Variants in IQSEC1 observed in about 807,000 individuals in gnomAD.
The protein encoded by IQSEC1 is IQ motif and Sec7 domain ArfGEF 1, also known as IQ motif and SEC7 domain-containing protein 1.
In IQSEC1, 31 loss-of-function variants were observed where a neutral mutation model predicts 91.0. That is an observed-to-expected ratio of 0.34 (90% confidence interval 0.26 to 0.46). IQSEC1 has a LOEUF of 0.46. Ranked by LOEUF, IQSEC1 falls within the 20% of genes least tolerant of loss-of-function variation. IQSEC1 has a pLI of 1.00. For missense variants in IQSEC1, 1,388 were observed against 1,575.6 expected (o/e 0.88, Z 2.02); for synonymous variants, 699 against 662.6 (o/e 1.05, Z -0.84).
intron 2 of IQSEC1, among the ~76,000 whole-genome samples, chr3:13,110,853 C>G (rs1458664571): frequency 6.6e-6 from 1 of 152,078 alleles, no homozygotes; most frequent in Admixed American, 6.5e-5. Flanking sequence ...ATTAAAGGGC[C>G]GAAGTAAATG....
At chr3:13,197,461 A>G (rs1431431311) in intron 1 of IQSEC1, among the ~76,000 whole-genome samples, 3 of 151,994 alleles carry the variant, frequency 2.0e-5, no homozygotes. Context: ...AGCAGCCAAC[A>G]CTCATCACCA....
chr3:12,981,510 G>A (rs556758882), intron 1 of IQSEC1, among the ~76,000 whole-genome samples: 89 of 152,124 alleles, frequency 5.9e-4, no homozygotes, highest in African/African-American at 2.0e-3. Flanking sequence ...CAATTCCCCC[G>A]TTCCCTTTCA....
chr3:13,071,167 G>T (rs60142266), intron 1 of IQSEC1, among the ~76,000 whole-genome samples: 58,710 of 99,674 alleles, frequency 0.59, 13,541 homozygotes, highest in South Asian at 0.69. Context: ...TTTTTTTTTT[G>T]TTTGTTTCTT....
chr3:13,011,172 T>G (rs1262427501), intron 1 of IQSEC1, among the ~76,000 whole-genome samples: 3 of 152,186 alleles, frequency 2.0e-5, no homozygotes, highest in Non-Finnish European at 4.4e-5. Flanking sequence ...CAAACTTGGT[T>G]TTAACACACC....
chr3:12,993,781 AT>A (rs1408023589), intron 1 of IQSEC1, among the ~76,000 whole-genome samples: 1 of 151,794 alleles, frequency 6.6e-6, no homozygotes, highest in African/African-American at 2.4e-5. Context: ...CCCGGCCCCC[AT>A]TCCCGTGAGC....
At chr3:13,088,739 C>T (rs1038826863) in intron 2 of IQSEC1, among the ~76,000 whole-genome samples, 15 of 152,260 alleles carry the variant, frequency 9.9e-5, no homozygotes, top group South Asian at 2.1e-4. Context: ...AACTCTGCCT[C>T]GGGCACACTG....
At chr3:12,907,105 C>T (rs959484940) in intron 12 of IQSEC1, among the ~76,000 whole-genome samples, 3 of 152,190 alleles carry the variant, frequency 2.0e-5, no homozygotes, top group African/African-American at 7.2e-5. Flanking sequence ...GGTCCCCCAG[C>T]AAGGAGTCAC....
chr3:13,081,668 C>T (rs1364137082), intron 2 of IQSEC1, among the ~76,000 whole-genome samples: 1 of 152,184 alleles, frequency 6.6e-6, no homozygotes, highest in Non-Finnish European at 1.5e-5. Flanking sequence ...CTAAAAATCA[C>T]TGAAAACACC....
upstream of IQSEC1, among the ~76,000 whole-genome samples, chr3:13,075,126 C>A (rs1705543134): frequency 6.6e-6 from 1 of 152,194 alleles, no homozygotes; most frequent in Non-Finnish European, 1.5e-5. Flanking sequence ...ATTCATATTT[C>A]TGTGGGTTAA....
At chr3:13,196,750 G>A (rs1402060905) in intron 1 of IQSEC1, among the ~76,000 whole-genome samples, 6 of 9,802 alleles carry the variant, frequency 6.1e-4, no homozygotes, top group South Asian at 5.6e-3. Flanking sequence ...ATGTGTGTGC[G>A]TGTGTGTGTG....
intron 1 of IQSEC1, among the ~76,000 whole-genome samples, chr3:13,220,910 C>T (rs191307483): frequency 7.9e-5 from 12 of 152,186 alleles, no homozygotes; most frequent in African/African-American, 2.2e-4. Context: ...TACCAGCCAC[C>T]GGGCCACTTC....
At chr3:12,929,955 A>G (rs900557382) in intron 3 of IQSEC1, among the ~76,000 whole-genome samples, 8 of 152,188 alleles carry the variant, frequency 5.3e-5, no homozygotes, top group African/African-American at 1.9e-4. Context: ...TTCAAGTGTG[A>G]CAGGTAAGCA....
chr3:13,222,451 G>C lies in IQSEC1; in HGVS notation c.273-58318C>G, dbSNP rs114952483. Reference sequence around the variant, plus strand: ...ATGGGTGTGCACACATCTGTTTGAGGCCTTGCTTTCAATTCTTTTGGGTCT... The same window carrying C: ...ATGGGTGTGCACACATCTGTTTGAGCCCTTGCTTTCAATTCTTTTGGGTCT... On this transcript the variant is annotated intron_variant, in intron 1 of 15. Transcript: ENST00000648114. Among the ~76,000 whole-genome samples, 1,110 of 152,236 alleles carry C rather than the reference G, an allele frequency of 7.3e-3. 13 individuals carry two copies. Among genetic ancestry groups the C allele is most frequent in the African/African-American group, 0.024 (978 of 41,534 alleles).
rs182199667 is a variant in IQSEC1 at position 13,049,935 on chromosome 3, G to A, written c.23+23057C>T. On this transcript the variant is annotated intron_variant, in intron 1 of 13. Transcript: ENST00000613206. Reference sequence around the variant, plus strand: ...GTCGCTGAAGTCTGCATGTGAAGACGGGAAACTGTCAGGTGGATGCAATGT... The same window carrying A: ...GTCGCTGAAGTCTGCATGTGAAGACAGGAAACTGTCAGGTGGATGCAATGT... Among the ~76,000 whole-genome samples the A allele has an allele frequency of 1.3e-4, 20 of 152,258 alleles. No individual in the cohort carries two copies. The East Asian group carries it at 2.5e-3, about 19-fold the overall frequency.
chr3:13,059,021 G>A (rs1202393303), intron 1 of IQSEC1, among the ~76,000 whole-genome samples: 1 of 152,050 alleles, frequency 6.6e-6, no homozygotes, highest in African/African-American at 2.4e-5. Context: ...GAGTGGGGAT[G>A]GTGCCAGCCT....
chr3:13,177,546 G>A (rs1042744696), intron 1 of IQSEC1, among the ~76,000 whole-genome samples: 2 of 139,610 alleles, frequency 1.4e-5, no homozygotes, highest in African/African-American at 2.7e-5. Flanking sequence ...ACAGCAGGCA[G>A]CCACATGGGG....
chr3:12,984,231 G>T (rs376426896), intron 1 of IQSEC1, among the ~76,000 whole-genome samples: 152 of 152,318 alleles, frequency 1.0e-3, no homozygotes, highest in African/African-American at 3.5e-3. Flanking sequence ...TCCCTGGAGG[G>T]AGATTCTAGA....
intron 1 of IQSEC1, among the ~76,000 whole-genome samples, chr3:13,005,719 C>CT (rs1702607615): frequency 1.3e-5 from 2 of 152,204 alleles, no homozygotes; most frequent in Non-Finnish European, 2.9e-5. Flanking sequence ...GTGGCTACTG[C>CT]TCTGGGCAGC....
chr3:13,059,317 G>A (rs1704986797), intron 1 of IQSEC1, among the ~76,000 whole-genome samples: 1 of 111,364 alleles, frequency 9.0e-6, no homozygotes, highest in Non-Finnish European at 2.2e-5. Context: ...GTTCTCCCCT[G>A]TTCCCTCCCA....
Sources: gnomAD v4.1 joint callset for allele counts (sites outside exome capture counted in the v4.1 genomes callset) on GRCh38, gnomAD v4.1.1 for gene constraint, MANE v1.5 for transcripts, NCBI Gene and HGNC (gene_info 2026-07-23, HGNC 2026-07-21) for gene names.